The following SPP2 variants were observed in gnomAD, a reference collection of about 807,000 sequenced individuals.
SPP2 encodes the protein secreted phosphoprotein 24.
In SPP2, 34 loss-of-function variants were observed where a neutral mutation model predicts 28.8. That is an observed-to-expected ratio of 1.18 (90% CI 0.90 to 1.57). The LOEUF (loss-of-function observed/expected upper bound fraction) is 1.57, where lower values mean the gene tolerates loss of function less well. SPP2 is among the 40% of genes most tolerant of loss of function. SPP2 has a pLI of 0.00. For missense variants in SPP2, 269 were observed against 263.9 expected (o/e 1.02, Z -0.13); for synonymous variants, 96 against 89.4 (o/e 1.07, Z -0.42).
chr2:234,071,132 T>C (rs147031890), intron 7 of SPP2, among the ~76,000 whole-genome samples: 153 of 152,290 alleles, frequency 1.0e-3, no homozygotes, highest in African/African-American at 3.4e-3. Context: ...TCCAGTCTTA[T>C]TCATTTCACC....
At chr2:234,067,777 CAAAAAAAAAAAAAAAAAAA>C (rs56184185) in intron 6 of SPP2, among the ~76,000 whole-genome samples, 2 of 63,486 alleles carry the variant, frequency 3.2e-5, no homozygotes, top group Admixed American at 2.2e-4. Context: ...GACTCCGTCT[CAAAAAAAAAAAAAAAAAAA>C]AAAAAAAAAA....
chr2:234,070,040 G>T lies in SPP2; in HGVS notation c.*10+17G>T. ...GGCCTTGAGGTAAGAAAATGCAGGT[G>T]CACACAAGTGTATTTAGAAATAGAA... is the stretch of plus-strand genomic sequence containing the variant. On this transcript the variant is annotated intron_variant, in intron 7 of 7. Transcript: ENST00000168148. 1 of 1,591,864 alleles carries T rather than the reference G, an allele frequency of 6.3e-7. No individual in the cohort carries two copies. The highest frequency in any genetic ancestry group is 2.2e-5 in the East Asian group (1 of 44,686).
Position 234,066,546 on chromosome 2 carries a change from A to G in SPP2, c.458A>G (p.Asp153Gly). 1 of 1,612,366 alleles carries G rather than the reference A, an allele frequency of 6.2e-7. No individual in the cohort carries two copies. Among genetic ancestry groups the G allele is most frequent in the Non-Finnish European group, 8.5e-7 (1 of 1,179,632 alleles). ...SYSSEEMIFG[D>G]MLGSHKWRNN... is the part of the protein sequence containing the mutation. The stretch of plus-strand genomic sequence containing the variant: ...GAATTTCTTTAGATGATTTTTGGGG[A>G]CATGTTGGGATCTCATAAATGGAGA... The change falls in exon 5 of 8, where the codon GAC becomes GGC. Residue 153 changes from aspartate (D) to glycine (G), a missense_variant. Asp to Gly is a moderately conservative substitution (Grantham distance 94). Transcript: ENST00000168148.
chr2:234,073,148 G>A (rs4663353), intron 7 of SPP2, among the ~76,000 whole-genome samples: 68,622 of 152,052 alleles, frequency 0.45, 15,886 homozygotes, highest in East Asian at 0.65. Flanking sequence ...TTGGCCTCCC[G>A]AAGTGCTGGG....
chr2:234,063,810 G>A (rs567224523), intron 4 of SPP2, among the ~76,000 whole-genome samples: 16 of 152,220 alleles, frequency 1.1e-4, no homozygotes, highest in Non-Finnish European at 1.5e-4. Flanking sequence ...GATTTGGAGC[G>A]GATAGGATGA....
At chr2:234,073,091 T>A (rs980543481) in intron 7 of SPP2, among the ~76,000 whole-genome samples, 8 of 152,194 alleles carry the variant, frequency 5.3e-5, no homozygotes, top group African/African-American at 1.9e-4. Flanking sequence ...TTTCACCATG[T>A]TGGCCAGGCT....
chr2:234,051,945 A>T (rs1482467447), intron 2 of SPP2, among the ~76,000 whole-genome samples: 3 of 152,148 alleles, frequency 2.0e-5, no homozygotes, highest in African/African-American at 7.2e-5. Flanking sequence ...ACTGACTCTT[A>T]GCTTGTTCCC....
intron 4 of SPP2, among the ~76,000 whole-genome samples, 189 bp from the exon 5 acceptor site, chr2:234,066,344 C>A (rs1693817449): frequency 6.6e-6 from 1 of 152,092 alleles, no homozygotes; most frequent in Admixed American, 6.5e-5. Context: ...TTTGCTCTTC[C>A]CCATGTGCTT....
chr2:234,063,787 G>A (rs1208119857), intron 4 of SPP2, among the ~76,000 whole-genome samples: 1 of 152,126 alleles, frequency 6.6e-6, no homozygotes, highest in East Asian at 1.9e-4. Flanking sequence ...CTTGACTTTA[G>A]ACAAATCCTT....
intron 6 of SPP2, among the ~76,000 whole-genome samples, chr2:234,069,359 G>T (rs1693889560): frequency 6.6e-6 from 1 of 152,184 alleles, no homozygotes; most frequent in Non-Finnish European, 1.5e-5. Flanking sequence ...GCCCAGGAGT[G>T]TGAATACCAG....
At chr2:234,059,618 C>G (rs768730710) in intron 3 of SPP2, among the ~76,000 whole-genome samples, 4 of 152,150 alleles carry the variant, frequency 2.6e-5, no homozygotes, top group Admixed American at 6.5e-5. Flanking sequence ...GGAGGTGAGA[C>G]AGTGGATCCC....
At chr2:234,069,260 A>G (rs1429659766) in intron 6 of SPP2, among the ~76,000 whole-genome samples, 2 of 152,122 alleles carry the variant, frequency 1.3e-5, no homozygotes, top group Non-Finnish European at 2.9e-5. Context: ...AGTCTTTTAT[A>G]AACTAATCTT....
intron 6 of SPP2, 142 bp from the exon 7 acceptor site, chr2:234,069,786 C>A: frequency 3.2e-6 from 2 of 619,272 alleles, no homozygotes; most frequent in Non-Finnish European, 5.9e-6. Flanking sequence ...ATGAAGTTAT[C>A]GCACCCTCAG....
intron 6 of SPP2, among the ~76,000 whole-genome samples, chr2:234,068,100 G>A (rs1025547178): frequency 6.6e-6 from 1 of 152,178 alleles, no homozygotes; most frequent in Non-Finnish European, 1.5e-5. Flanking sequence ...CTCCTGTACA[G>A]ATCAGTTTTC....
At chr2:234,060,575 A>G in intron 4 of SPP2, 96 bp downstream of exon 4, 1 of 958,468 alleles carries the variant, frequency 1.0e-6, no homozygotes, top group South Asian at 1.5e-5. Flanking sequence ...CTGGATCATC[A>G]CCTGGGCTTG....
At position 234,050,727 on chromosome 2, in the gene SPP2, T is replaced by C; in HGVS notation, c.-60T>C. ...AGTGTTTGATAAAGACAGCTCCTCT[T>C]AGGAAGAACTGTCATCCCCAAACAC... On this transcript the variant is annotated 5_prime_UTR_variant, in exon 1 of 8. Coordinates refer to ENST00000168148, the MANE Select transcript of SPP2 (RefSeq NM_006944.3). 1 of 1,472,814 alleles carries C rather than the reference T, an allele frequency of 6.8e-7. No homozygotes were observed. The highest frequency in any genetic ancestry group is 9.5e-7 in the Non-Finnish European group (1 of 1,054,596). The allele number at this position is 1,472,814 out of a possible 1,614,324, so 91.2% of individuals were successfully genotyped here. A position where few individuals can be genotyped will look rare whatever the true frequency, so the allele number is the denominator to read the frequency against.
chr2:234,062,563 T>TGA (rs1025412395), intron 4 of SPP2, among the ~76,000 whole-genome samples: 28 of 152,066 alleles, frequency 1.8e-4, no homozygotes, highest in African/African-American at 6.0e-4. Context: ...GTTTTAAGTG[T>TGA]GTGTGTGTTG....
intron 7 of SPP2, among the ~76,000 whole-genome samples, chr2:234,075,098 T>C (rs573774782): frequency 6.6e-6 from 1 of 151,966 alleles, no homozygotes; most frequent in African/African-American, 2.4e-5. Flanking sequence ...AGCGTTGCCT[T>C]GTTTGACCTC....
intron 2 of SPP2, among the ~76,000 whole-genome samples, chr2:234,051,320 C>G (rs1173722174): frequency 2.0e-5 from 3 of 152,166 alleles, no homozygotes; most frequent in African/African-American, 7.2e-5. Context: ...GCTGTATTCT[C>G]CTCTCTAACC....
Sources: allele counts gnomAD v4.1 joint callset (sites outside exome capture counted in the v4.1 genomes callset), GRCh38; gene constraint gnomAD v4.1.1; transcripts MANE v1.5; gene names NCBI Gene and HGNC (gene_info 2026-07-23, HGNC 2026-07-21).